The following LMX1B variants were observed in gnomAD, a reference collection of about 807,000 sequenced individuals.
The protein encoded by LMX1B is LIM homeobox transcription factor 1-beta.
A neutral mutation model predicts 51.4 loss-of-function variants in LMX1B; 12 were observed. That is an observed-to-expected ratio of 0.23 (90% CI 0.15 to 0.38). LMX1B has a LOEUF of 0.38. LMX1B is among the 10% of genes least tolerant of loss of function. The pLI, the probability that LMX1B is intolerant of heterozygous loss-of-function variation, is 1.00. For missense variants in LMX1B, 445 were observed against 571.1 expected, an observed-to-expected ratio of 0.78 and a Z score of 2.25; for synonymous variants, 237 against 235.4, an observed-to-expected ratio of 1.01 and a Z score of -0.06.
chr9:126,663,208 CTT>C (rs1836278185), intron 2 of LMX1B, among the ~76,000 whole-genome samples: 3 of 102,536 alleles, frequency 2.9e-5, no homozygotes, highest in South Asian at 3.2e-4. Context: ...GGGCGGATCA[CTT>C]GAGGTCAGGA....
At chr9:126,661,314 G>A (rs1394326726) in intron 2 of LMX1B, among the ~76,000 whole-genome samples, 1 of 152,072 alleles carries the variant, frequency 6.6e-6, no homozygotes, top group Non-Finnish European at 1.5e-5. Context: ...GACGCCTCAT[G>A]CCTGGCCCCC....
Position 126,690,827 on chromosome 9 carries a change from C to T in LMX1B, c.327-9C>T, listed in dbSNP as rs1588305356. On this transcript the variant is annotated splice_polypyrimidine_tract_variant and intron_variant, in intron 2 of 7. Coordinates refer to ENST00000373474, the MANE Select transcript of LMX1B (RefSeq NM_001174147.2). ...GCACCGCCAACACGCCCGCTTTGTG[C>T]ATCCGCAGGCTCTTCGCGGCCAAGT... 1.9e-6 allele frequency: 3 copies of T among 1,601,572 alleles called. No individual in the cohort carries two copies. The highest frequency in any genetic ancestry group is 2.6e-6 in the Non-Finnish European group (3 of 1,176,224).
chr9:126,691,723 A>G (rs1314699268), intron 3 of LMX1B, among the ~76,000 whole-genome samples: 1 of 152,054 alleles, frequency 6.6e-6, no homozygotes, highest in Non-Finnish European at 1.5e-5. Flanking sequence ...AGGCAGGGAG[A>G]TGATGTGCCT....
At position 126,683,972 on chromosome 9, in the gene LMX1B, C is replaced by T. The variant is rs148726991; in HGVS notation, c.327-6864C>T. Among the ~76,000 whole-genome samples the T allele has an allele frequency of 4.9e-3, 745 of 152,226 alleles. 12 individuals carry two copies. Among genetic ancestry groups the T allele is most frequent in the African/African-American group, 0.017 (707 of 41,530 alleles). On this transcript the variant is annotated intron_variant, in intron 2 of 7. Coordinates refer to ENST00000373474, the MANE Select transcript of LMX1B (RefSeq NM_001174147.2). ...GCCTCTCTGCTTGCCCAGCATGCCC[C>T]AGTACCCCATCCAAGCACGTGTCCT...
chr9:126,664,230 C>T (rs1836298390), intron 2 of LMX1B, among the ~76,000 whole-genome samples: 1 of 152,190 alleles, frequency 6.6e-6, no homozygotes, highest in African/African-American at 2.4e-5. Flanking sequence ...ATACTCCCCT[C>T]CCCCAACGCT....
chr9:126,689,993 C>A (rs2030063613), intron 2 of LMX1B, among the ~76,000 whole-genome samples: 1 of 152,200 alleles, frequency 6.6e-6, no homozygotes, highest in Non-Finnish European at 1.5e-5. Context: ...GATGGAGATG[C>A]GTAAGCTGAG....
At chr9:126,645,522 C>T (rs1030225558) in intron 2 of LMX1B, among the ~76,000 whole-genome samples, 3 of 152,224 alleles carry the variant, frequency 2.0e-5, no homozygotes, top group Admixed American at 6.5e-5. Context: ...CTCACTCCTC[C>T]GAGGAGCATC....
At chr9:126,684,434 A>C (rs1175587432) in intron 2 of LMX1B, among the ~76,000 whole-genome samples, 1 of 152,188 alleles carries the variant, frequency 6.6e-6, no homozygotes, top group African/African-American at 2.4e-5. Context: ...ATGCCTTCCC[A>C]CACTGGTTAA....
At chr9:126,631,576 T>G (rs1835638635) in intron 2 of LMX1B, among the ~76,000 whole-genome samples, 1 of 146,340 alleles carries the variant, frequency 6.8e-6, no homozygotes, top group Non-Finnish European at 1.5e-5. Flanking sequence ...GTGGGTGGGG[T>G]GAGGTGGGGA....
At chr9:126,642,021 C>T (rs1183230935) in intron 2 of LMX1B, among the ~76,000 whole-genome samples, 1 of 152,174 alleles carries the variant, frequency 6.6e-6, no homozygotes, top group Non-Finnish European at 1.5e-5. Context: ...CCCCCAACAA[C>T]CCCTTCGAAG....
At chr9:126,628,405 G>A (rs1452746717) in intron 2 of LMX1B, among the ~76,000 whole-genome samples, 2 of 152,142 alleles carry the variant, frequency 1.3e-5, no homozygotes, top group African/African-American at 4.8e-5. Context: ...AGCCAATCCT[G>A]GGGGAAAAAA....
rs779330478 is a variant in LMX1B, at chr9:126,690,968, C to A, written c.459C>A (p.Gly153=). The A allele has an allele frequency of 3.1e-6, 5 of 1,614,038 alleles. No individual in the cohort carries two copies. Among genetic ancestry groups the A allele is most frequent in the Non-Finnish European group, 2.5e-6 (3 of 1,179,978 alleles). ...CCVCERQLRK[G]DEFVLKEGQL... is the part of the protein sequence containing the mutation. The stretch of plus-strand genomic sequence containing the variant: ...TGTGTGAACGGCAGCTACGCAAGGG[C>A]GACGAATTCGTGCTCAAGGAGGGCC... Residue 153 remains glycine, a synonymous_variant, in exon 3 of 8, where the codon GGC becomes GGA. Transcript: ENST00000373474.
At chr9:126,631,002 C>G (rs1835622996) in intron 2 of LMX1B, among the ~76,000 whole-genome samples, 1 of 152,256 alleles carries the variant, frequency 6.6e-6, no homozygotes, top group African/African-American at 2.4e-5. Context: ...GGCTCGGCCC[C>G]CTCCCACGTG....
intron 2 of LMX1B, among the ~76,000 whole-genome samples, chr9:126,649,046 T>C (rs1191070982): frequency 1.3e-5 from 2 of 152,130 alleles, no homozygotes; most frequent in Non-Finnish European, 2.9e-5. Context: ...ACCTACCATC[T>C]TCCCAGGTAC....
At chr9:126,624,987 CA>C (rs1365456750) in intron 2 of LMX1B, among the ~76,000 whole-genome samples, 1 of 152,206 alleles carries the variant, frequency 6.6e-6, no homozygotes, top group Non-Finnish European at 1.5e-5. Context: ...GTCACGAACA[CA>C]AGTACCTAGG....
At chr9:126,664,400 C>T (rs1421841381) in intron 2 of LMX1B, among the ~76,000 whole-genome samples, 1 of 152,190 alleles carries the variant, frequency 6.6e-6, no homozygotes, top group Non-Finnish European at 1.5e-5. Flanking sequence ...AACAGACAGC[C>T]CCAGGGATGG....
At chr9:126,623,025 T>G (rs1835446251) in intron 2 of LMX1B, among the ~76,000 whole-genome samples, 1 of 152,192 alleles carries the variant, frequency 6.6e-6, no homozygotes. Context: ...CAATGTATGT[T>G]TTCTTCCTTC....
At chr9:126,690,703 G>A in intron 2 of LMX1B, 133 bp from the exon 3 acceptor site, 1 of 731,982 alleles carries the variant, frequency 1.4e-6, no homozygotes, top group Non-Finnish European at 2.3e-6. Flanking sequence ...GTCTGACCTG[G>A]TGCCCAAGGA....
In LMX1B at chr9:126,696,526, C is replaced by T. The variant is rs1012303192; in HGVS notation, c.*75C>T. The T allele has an allele frequency of 3.7e-5, 57 of 1,539,150 alleles. No homozygotes were observed. Among genetic ancestry groups the T allele is most frequent in the Non-Finnish European group, 4.8e-5 (53 of 1,114,696 alleles). ...CAGCCTCTGCGGCCAGCCTGGCCAC[C>T]CCCGCCCTGCTCTCCGCACAGACTA... On this transcript the variant is annotated 3_prime_UTR_variant, in exon 8 of 8. Coordinates refer to ENST00000373474, the MANE Select transcript of LMX1B (RefSeq NM_001174147.2).
Sources: gnomAD v4.1 joint callset for allele counts (sites outside exome capture counted in the v4.1 genomes callset) on GRCh38, gnomAD v4.1.1 for gene constraint, MANE v1.5 for transcripts, NCBI Gene and HGNC (gene_info 2026-07-23, HGNC 2026-07-21) for gene names.